HMGCLL1: variants seen among roughly 807,000 people sequenced by gnomAD.
The protein encoded by HMGCLL1 is 3-hydroxy-3-methylglutaryl-CoA lyase like 1, also known as 3-hydroxymethyl-3-methylglutaryl-CoA lyase, cytoplasmic.
Under a neutral mutation model 39.1 loss-of-function variants are expected in HMGCLL1, and 36 were observed. The ratio of observed to expected loss-of-function variants is 0.92; its 90% confidence interval spans 0.71 to 1.22. HMGCLL1 has a LOEUF of 1.22. Among genes scored for constraint, HMGCLL1 ranks in the 50% most tolerant of loss-of-function variants. The pLI, the probability that HMGCLL1 is intolerant of heterozygous loss-of-function variation, is 0.00. For synonymous variants in HMGCLL1, 149 were observed against 144.0 expected (o/e 1.03, Z -0.25); for missense variants, 451 against 416.5 (o/e 1.08, Z -0.72).
chr6:55,648,466 T>C, the HMGCLL1 span, among the ~76,000 whole-genome samples: 137 of 92,474 alleles, frequency 1.5e-3, 5 homozygotes, highest in African/African-American at 6.3e-3. Context: ...GATAGACCGC[T>C]AGCAAGACTA....
chr6:55,565,966 A>G (rs1269970504), intron 1 of HMGCLL1, among the ~76,000 whole-genome samples: 1 of 152,090 alleles, frequency 6.6e-6, no homozygotes, highest in African/African-American at 2.4e-5. Flanking sequence ...CAAGGTTTGA[A>G]CTGTCTCATA....
the HMGCLL1 span, among the ~76,000 whole-genome samples, chr6:55,619,336 A>T: frequency 6.6e-6 from 1 of 152,178 alleles, no homozygotes; most frequent in Non-Finnish European, 1.5e-5. Flanking sequence ...ATAAAATGGC[A>T]TCTAAATACG....
chr6:55,606,450 G>A, the HMGCLL1 span, among the ~76,000 whole-genome samples: 1 of 152,072 alleles, frequency 6.6e-6, no homozygotes, highest in Admixed American at 6.6e-5. Flanking sequence ...AGATTTGAAT[G>A]GAAGTATCTT....
intron 3 of HMGCLL1, among the ~76,000 whole-genome samples, chr6:55,533,197 G>T (rs1768786702): frequency 6.6e-6 from 1 of 151,496 alleles, no homozygotes; most frequent in African/African-American, 2.4e-5. Context: ...ACATTATAGA[G>T]TGTCTAGGAT....
chr6:55,555,056 A>G (rs1432250706), intron 1 of HMGCLL1, among the ~76,000 whole-genome samples: 1 of 152,186 alleles, frequency 6.6e-6, no homozygotes, highest in African/African-American at 2.4e-5. Context: ...TTCTCTGTTC[A>G]ATATCCTCTA....
chr6:55,516,474 C>T, intron 4 of HMGCLL1, 34 bp downstream of exon 4: 4 of 1,311,792 alleles, frequency 3.0e-6, no homozygotes, highest in South Asian at 2.6e-5. Context: ...GATAAGAGGC[C>T]TATCAATTTT....
At chr6:55,630,644 G>C in the HMGCLL1 span, among the ~76,000 whole-genome samples, 1 of 152,046 alleles carries the variant, frequency 6.6e-6, no homozygotes, top group African/African-American at 2.4e-5. Flanking sequence ...GGAGGGACCT[G>C]GTGGAGGTAA....
At chr6:55,533,885 CAA>C (rs70986727) in intron 3 of HMGCLL1, among the ~76,000 whole-genome samples, 6 of 71,696 alleles carry the variant, frequency 8.4e-5, no homozygotes, top group South Asian at 5.1e-4. Flanking sequence ...GACTCCGTCT[CAA>C]AAAAAAAAAA....
rs1160764842 is a variant in HMGCLL1 at position 55,541,713 on chromosome 6, T to C, written c.297+16A>G. 7.7e-7 allele frequency: 1 copy of C among 1,292,944 alleles called. No individual in the cohort carries two copies. Among genetic ancestry groups the C allele is most frequent in the Non-Finnish European group, 1.1e-6 (1 of 914,744 alleles). The allele number at this position is 1,292,944 out of a possible 1,614,324, so 80.1% of individuals were successfully genotyped here. On this transcript the variant is annotated intron_variant, in intron 3 of 8. Coordinates refer to ENST00000274901, the MANE Select transcript of HMGCLL1 (RefSeq NM_001042406.2). ...GTTGAATTAGGATCTAATTAAGAAA[T>C]TGTGGGTTTACATACCTGTGGTACC...
chr6:55,617,953 A>T, the HMGCLL1 span, among the ~76,000 whole-genome samples: 1 of 152,268 alleles, frequency 6.6e-6, no homozygotes, highest in Middle Eastern at 3.4e-3. Flanking sequence ...AGCAATAAAA[A>T]AACATAGTTA....
intron 7 of HMGCLL1, among the ~76,000 whole-genome samples, chr6:55,489,537 C>T (rs184508358): frequency 3.2e-4 from 49 of 151,078 alleles, no homozygotes; most frequent in African/African-American, 1.1e-3. Flanking sequence ...TTTCTTTTCT[C>T]GAAGGTGATA....
At chr6:55,611,029 G>C in the HMGCLL1 span, among the ~76,000 whole-genome samples, 1 of 152,070 alleles carries the variant, frequency 6.6e-6, no homozygotes, top group Non-Finnish European at 1.5e-5. Context: ...TCCTCAGCAA[G>C]TGCCAAATAA....
chr6:55,505,375 A>G (rs1199744966), intron 5 of HMGCLL1, among the ~76,000 whole-genome samples: 1 of 151,716 alleles, frequency 6.6e-6, no homozygotes, highest in Non-Finnish European at 1.5e-5. Flanking sequence ...TGTAATCTCA[A>G]ATAAAGGGAA....
the HMGCLL1 span, among the ~76,000 whole-genome samples, chr6:55,632,488 A>G: frequency 6.6e-6 from 1 of 151,344 alleles, no homozygotes; most frequent in African/African-American, 2.4e-5. Flanking sequence ...GCAGTTTATC[A>G]TTAGGTCAGA....
chr6:55,596,351 A>C, the HMGCLL1 span, among the ~76,000 whole-genome samples: 1 of 152,110 alleles, frequency 6.6e-6, no homozygotes. Context: ...TAAATAAGTA[A>C]ATAGGAATTG....
chr6:55,666,929 C>A, the HMGCLL1 span, among the ~76,000 whole-genome samples: 1 of 150,430 alleles, frequency 6.6e-6, no homozygotes. Context: ...CACTCACAAT[C>A]TTTTATTTTT....
chr6:55,506,851 AT>A lies in HMGCLL1; in HGVS notation c.542+7196del, dbSNP rs527854213. Reference sequence around the variant, plus strand: ...TTTTCAACTTAAAAAGAAAAAAAAAATATTGTATGATGAAGTTGCTAACATC... The same window carrying A: ...TTTTCAACTTAAAAAGAAAAAAAAAAATTGTATGATGAAGTTGCTAACATC... On this transcript the variant is annotated intron_variant, in intron 5 of 8. Coordinates refer to ENST00000274901, the MANE Select transcript of HMGCLL1 (RefSeq NM_001042406.2). 1.9e-3 allele frequency among the ~76,000 whole-genome samples: 282 copies of A among 151,680 alleles called. 2 individuals carry two copies. Among genetic ancestry groups the A allele is most frequent in the African/African-American group, 6.0e-3 (250 of 41,438 alleles).
rs1561904175 is a variant in HMGCLL1 at position 55,477,210 on chromosome 6, ATTATATTATAAT to A, written c.795+18197_795+18208del. ...ATATATTATATATTATATAATATAT[ATTATATTATAAT>A]ATATAATATATATTATATTTATATA... On this transcript the variant is annotated intron_variant, in intron 7 of 8. Transcript: ENST00000274901. Among the ~76,000 whole-genome samples the A allele has an allele frequency of 4.4e-4, 9 of 20,470 alleles. 1 individual carries two copies. Among genetic ancestry groups the A allele is most frequent in the Non-Finnish European group, 6.2e-4 (9 of 14,484 alleles). The allele number at this position is 20,470 out of a possible 152,430, so 13.4% of individuals were successfully genotyped here.
the HMGCLL1 span, among the ~76,000 whole-genome samples, chr6:55,637,644 A>C: frequency 2.6e-5 from 4 of 151,934 alleles, no homozygotes; most frequent in Non-Finnish European, 5.9e-5. Context: ...TATTCTTCCT[A>C]GAATAGTGAA....
Sources: allele counts gnomAD v4.1 joint callset (sites outside exome capture counted in the v4.1 genomes callset), GRCh38; gene constraint gnomAD v4.1.1; transcripts MANE v1.5; gene names NCBI Gene and HGNC (gene_info 2026-07-23, HGNC 2026-07-21).